The following RNF125 variants were observed in gnomAD, a reference collection of about 807,000 sequenced individuals.
The protein encoded by RNF125 is ring finger protein 125.
A neutral mutation model predicts 26.0 loss-of-function variants in RNF125; 21 were observed. The ratio of observed to expected loss-of-function variants is 0.81; its 90% CI spans 0.57 to 1.16. RNF125 has a LOEUF of 1.16. Ranked by LOEUF, RNF125 falls within the 50% of genes most tolerant of loss-of-function variation. The probability of loss-of-function intolerance (pLI) is 0.00; values close to 1 mark genes in which losing one functional copy is unlikely to be tolerated. For missense variants in RNF125, 270 were observed against 299.4 expected, an observed-to-expected ratio of 0.90 and a Z score of 0.72; for synonymous variants, 95 against 109.2, an observed-to-expected ratio of 0.87 and a Z score of 0.81.
At chr18:32,067,192 G>T (rs1382828024) in intron 5 of RNF125, among the ~76,000 whole-genome samples, 1 of 152,208 alleles carries the variant, frequency 6.6e-6, no homozygotes, top group Non-Finnish European at 1.5e-5. Context: ...GGCGGAGCTT[G>T]CAGTGAACCG....
chr18:32,042,292 T>C lies in RNF125; in HGVS notation c.413+19T>C, dbSNP rs1356565702. 1.4e-6 allele frequency: 2 copies of C among 1,441,282 alleles called. No individual in the cohort carries two copies. Among genetic ancestry groups the C allele is most frequent in the East Asian group, 2.3e-5 (1 of 43,778 alleles). 89.3% of individuals were successfully genotyped at this position (1,441,282 alleles called of 1,614,324 possible). A position where few individuals can be genotyped will look rare whatever the true frequency, so the allele number is the denominator to read the frequency against. ...CAGCAAGGTTTGTTTCAATACAATA[T>C]AGTTTAATGCTAAAATTGATAATGT... On this transcript the variant is annotated intron_variant, in intron 3 of 5. Transcript: ENST00000217740.
chr18:32,084,809 T>C, the RNF125 span, among the ~76,000 whole-genome samples: 1 of 152,136 alleles, frequency 6.6e-6, no homozygotes, highest in Non-Finnish European at 1.5e-5. Flanking sequence ...TTGTTAAAAA[T>C]GGAAGCTGTA....
chr18:32,084,516 G>A, the RNF125 span, among the ~76,000 whole-genome samples: 1 of 152,192 alleles, frequency 6.6e-6, no homozygotes, highest in Non-Finnish European at 1.5e-5. Context: ...GCTGCATTCC[G>A]AATATCTGTT....
chr18:32,041,652 A>C, intron 2 of RNF125, among the ~76,000 whole-genome samples: 2 of 79,886 alleles, frequency 2.5e-5, no homozygotes, highest in Non-Finnish European at 2.2e-5. Context: ...TTTTTTTGAG[A>C]CGGAGTCTCG....
downstream of RNF125, chr18:32,075,838 G>T (rs1015911138): frequency 6.4e-5 from 46 of 715,972 alleles, no homozygotes; most frequent in African/African-American, 7.6e-4. Flanking sequence ...TGTTGTTTGT[G>T]TGTGTATGTC....
intron 4 of RNF125, among the ~76,000 whole-genome samples, chr18:32,065,468 C>T (rs761965730): frequency 2.0e-5 from 3 of 151,810 alleles, no homozygotes; most frequent in Non-Finnish European, 4.4e-5. Context: ...GAACTCCTGA[C>T]CTCGTGATCC....
At chr18:32,087,237 C>T in the RNF125 span, among the ~76,000 whole-genome samples, 1 of 151,770 alleles carries the variant, frequency 6.6e-6, no homozygotes, top group African/African-American at 2.4e-5. Flanking sequence ...TCCCAGAGCC[C>T]ACTCTTTCGG....
At chr18:32,046,481 C>T (rs2039272916) in intron 4 of RNF125, among the ~76,000 whole-genome samples, 1 of 150,986 alleles carries the variant, frequency 6.6e-6, no homozygotes, top group Non-Finnish European at 1.5e-5. Context: ...CCTGTAGTCC[C>T]AGCTACTCAG....
intron 4 of RNF125, among the ~76,000 whole-genome samples, chr18:32,048,334 G>C (rs2039292336): frequency 6.6e-6 from 1 of 151,686 alleles, no homozygotes; most frequent in Non-Finnish European, 1.5e-5. Flanking sequence ...GCTGAGGCAG[G>C]AGAATCACTT....
At chr18:32,028,866 A>G (rs1034923370) in intron 1 of RNF125, among the ~76,000 whole-genome samples, 2 of 151,870 alleles carry the variant, frequency 1.3e-5, no homozygotes, top group Admixed American at 6.6e-5. Flanking sequence ...TTTCTTTACC[A>G]CTAAGTTGCT....
intron 4 of RNF125, among the ~76,000 whole-genome samples, chr18:32,048,462 CA>C (rs55901830): frequency 2.0e-5 from 3 of 148,216 alleles, no homozygotes; most frequent in African/African-American, 2.5e-5. Flanking sequence ...AAACCTGTCT[CA>C]AAAAAAAAGA....
chr18:32,033,485 A>G (rs2039119776), intron 1 of RNF125, among the ~76,000 whole-genome samples: 1 of 151,004 alleles, frequency 6.6e-6, no homozygotes, highest in African/African-American at 2.4e-5. Flanking sequence ...AGATCATGCC[A>G]TTGCACTCCA....
At chr18:32,048,764 G>A (rs2039297256) in intron 4 of RNF125, among the ~76,000 whole-genome samples, 1 of 152,198 alleles carries the variant, frequency 6.6e-6, no homozygotes, top group African/African-American at 2.4e-5. Context: ...TGTTGAGGGA[G>A]CAGAGCCGAT....
chr18:32,042,274 G>A lies in RNF125; in HGVS notation c.413+1G>A. On this transcript the variant is annotated splice_donor_variant, in intron 3 of 5. Coordinates refer to ENST00000217740, the MANE Select transcript of RNF125 (RefSeq NM_017831.4). LOFTEE classifies it high-confidence loss of function. ...AAGAACTTGAGGAGACAGCAGCAAG[G>A]TTTGTTTCAATACAATATAGTTTAA... 6.3e-7 allele frequency: 1 copy of A among 1,595,424 alleles called. No homozygotes were observed. Among genetic ancestry groups the A allele is most frequent in the Non-Finnish European group, 8.6e-7 (1 of 1,164,154 alleles).
At chr18:32,025,490 C>G (rs2039024225) in intron 1 of RNF125, among the ~76,000 whole-genome samples, 1 of 151,794 alleles carries the variant, frequency 6.6e-6, no homozygotes, top group Non-Finnish European at 1.5e-5. Flanking sequence ...ATGGCGAAAC[C>G]CCGTTTCTCT....
intron 2 of RNF125, among the ~76,000 whole-genome samples, chr18:32,041,668 T>C (rs1250635565): frequency 8.8e-6 from 1 of 113,882 alleles, no homozygotes; most frequent in Non-Finnish European, 1.7e-5. Context: ...TCTCGCTCTG[T>C]CGCCCAGGCT....
chr18:32,082,493 T>C, the RNF125 span, among the ~76,000 whole-genome samples: 1 of 152,168 alleles, frequency 6.6e-6, no homozygotes, highest in African/African-American at 2.4e-5. Flanking sequence ...CACCAGGCAA[T>C]ATTTTAGGGA....
intron 1 of RNF125, among the ~76,000 whole-genome samples, chr18:32,022,726 G>A (rs1383151506): frequency 2.0e-5 from 3 of 152,262 alleles, no homozygotes; most frequent in Admixed American, 2.0e-4. Context: ...TCAGACCTTC[G>A]TAGGTGTCAG....
At chr18:32,077,334 ATTTTTTTTTTT>A (rs552701343), downstream of RNF125, among the ~76,000 whole-genome samples, 12 of 107,880 alleles carry the variant, frequency 1.1e-4, no homozygotes, top group African/African-American at 1.7e-4. Flanking sequence ...CCCTCTCCCC[ATTTTTTTTTTT>A]TTTTTTTTTT....
Sources: gnomAD v4.1 joint callset for allele counts (sites outside exome capture counted in the v4.1 genomes callset) on GRCh38, gnomAD v4.1.1 for gene constraint, MANE v1.5 for transcripts, NCBI Gene and HGNC (gene_info 2026-07-23, HGNC 2026-07-21) for gene names.